ODAD2: variants seen among roughly 807,000 people sequenced by gnomAD.
ODAD2 encodes the protein outer dynein arm docking complex subunit 2.
A neutral mutation model predicts 106.8 loss-of-function variants in ODAD2; 89 were observed. The ratio of observed to expected loss-of-function variants is 0.83; its 90% CI spans 0.70 to 0.99. The LOEUF (loss-of-function observed/expected upper bound fraction) is 0.99, where lower values mean the gene tolerates loss of function less well. Among genes scored for constraint, ODAD2 ranks in the 50% least tolerant of loss-of-function variants. The probability of loss-of-function intolerance (pLI) is 0.00; values close to 1 mark genes in which losing one functional copy is unlikely to be tolerated. For missense variants in ODAD2, 1,168 were observed against 1,238.5 expected (o/e 0.94, Z 0.85); for synonymous variants, 404 against 436.2 (o/e 0.93, Z 0.92).
intron 19 of ODAD2, among the ~76,000 whole-genome samples, chr10:27,858,864 T>C (rs907375697): frequency 6.2e-5 from 9 of 145,318 alleles, no homozygotes; most frequent in Non-Finnish European, 1.2e-4. Flanking sequence ...AGTGCAGTGG[T>C]GTGATATCAG....
At chr10:27,850,264 G>A (rs556823639) in intron 19 of ODAD2, among the ~76,000 whole-genome samples, 1 of 152,078 alleles carries the variant, frequency 6.6e-6, no homozygotes, top group Admixed American at 6.6e-5. Context: ...GGCCAACATG[G>A]TGAAACCCCC....
chr10:27,863,672 T>G (rs1840235052), intron 17 of ODAD2, among the ~76,000 whole-genome samples: 1 of 151,944 alleles, frequency 6.6e-6, no homozygotes, highest in Non-Finnish European at 1.5e-5. Flanking sequence ...AGACTACAAA[T>G]CCATACAATG....
intron 16 of ODAD2, among the ~76,000 whole-genome samples, chr10:27,912,910 C>T (rs1220974133): frequency 3.9e-5 from 6 of 152,062 alleles, no homozygotes; most frequent in Non-Finnish European, 5.9e-5. Flanking sequence ...AAGGTTTTTA[C>T]GTTTCTACCT....
At chr10:27,918,082 C>T (rs1414418545) in intron 16 of ODAD2, among the ~76,000 whole-genome samples, 2 of 151,762 alleles carry the variant, frequency 1.3e-5, no homozygotes, top group Non-Finnish European at 2.9e-5. Flanking sequence ...GATAATTCTG[C>T]TAAGTGAATT....
intron 19 of ODAD2, chr10:27,853,382 A>G (rs1029069658): frequency 1.0e-4 from 29 of 279,258 alleles, no homozygotes; most frequent in African/African-American, 4.4e-4. Context: ...AAATAAATAA[A>G]TAAATAAATA....
intron 17 of ODAD2, among the ~76,000 whole-genome samples, chr10:27,881,192 A>G (rs1841682775): frequency 6.6e-6 from 1 of 152,210 alleles, no homozygotes; most frequent in Non-Finnish European, 1.5e-5. Context: ...TTATTTTTAG[A>G]AAGTATGTGT....
At chr10:27,816,513 G>T (rs927313210) in intron 19 of ODAD2, among the ~76,000 whole-genome samples, 1 of 152,068 alleles carries the variant, frequency 6.6e-6, no homozygotes, top group Non-Finnish European at 1.5e-5. Context: ...GGGCTGGAAG[G>T]GAAGTGAAAA....
At position 27,995,015 on chromosome 10, in the gene ODAD2, T is replaced by C. The variant is rs1425535243; in HGVS notation, c.128A>G (p.Tyr43Cys). The change falls in exon 2 of 20, where the codon TAT becomes TGT. Residue 43 changes from tyrosine to cysteine, a missense_variant. Transcript: ENST00000305242. ...EIIVFVESFI[Y>C]KHPQEAKFVF... ...AAATTTTGCCTCTTGAGGATGTTTATAGATAAAACTCTCCACAAACACAAT... is the reference window on the plus strand; with the variant it reads ...AAATTTTGCCTCTTGAGGATGTTTACAGATAAAACTCTCCACAAACACAAT... 3 of 1,614,120 alleles carry C rather than the reference T, an allele frequency of 1.9e-6. No individual in the cohort carries two copies. Among genetic ancestry groups the C allele is most frequent in the Non-Finnish European group, 2.5e-6 (3 of 1,180,058 alleles).
At chr10:27,903,170 A>G (rs919752762) in intron 17 of ODAD2, among the ~76,000 whole-genome samples, 1 of 152,224 alleles carries the variant, frequency 6.6e-6, no homozygotes, top group Non-Finnish European at 1.5e-5. Flanking sequence ...AACGTAATCC[A>G]TCACATAAAC....
At chr10:27,908,900 A>C (rs564283865) in intron 16 of ODAD2, among the ~76,000 whole-genome samples, 52 of 152,348 alleles carry the variant, frequency 3.4e-4, no homozygotes, top group Admixed American at 3.1e-3. Context: ...TGTCTTAAAA[A>C]GGACTTCTAA....
chr10:27,917,219 A>G (rs139726879), intron 16 of ODAD2, among the ~76,000 whole-genome samples: 146 of 152,274 alleles, frequency 9.6e-4, no homozygotes, highest in African/African-American at 3.4e-3. Context: ...GAAATCAATA[A>G]CAACATGGGA....
intron 19 of ODAD2, among the ~76,000 whole-genome samples, chr10:27,845,564 C>T (rs1212010547): frequency 6.6e-6 from 1 of 152,188 alleles, no homozygotes; most frequent in Admixed American, 6.5e-5. Context: ...CAAATTCACA[C>T]ATAGCAATAT....
chr10:27,885,750 A>AT (rs2133634974), intron 17 of ODAD2, among the ~76,000 whole-genome samples: 1 of 67,974 alleles, frequency 1.5e-5, no homozygotes, highest in African/African-American at 6.3e-5. Context: ...TGTTATATAT[A>AT]ATATATATTT....
At chr10:27,921,695 T>G (rs77816698) in intron 16 of ODAD2, among the ~76,000 whole-genome samples, 4,343 of 146,978 alleles carry the variant, frequency 0.03, 71 homozygotes, top group Non-Finnish European at 0.047. Flanking sequence ...GAGACAAACC[T>G]AGCAAAATTA....
chr10:27,891,318 T>C (rs200232814), intron 17 of ODAD2, among the ~76,000 whole-genome samples: 99 of 152,270 alleles, frequency 6.5e-4, no homozygotes, highest in African/African-American at 2.3e-3. Flanking sequence ...AATTCCTGAC[T>C]GGCTTCTCAG....
intron 19 of ODAD2, among the ~76,000 whole-genome samples, chr10:27,816,308 A>G (rs1419956031): frequency 6.6e-6 from 1 of 152,224 alleles, no homozygotes; most frequent in Non-Finnish European, 1.5e-5. Context: ...GAAATAAGAC[A>G]GGATCAATCT....
chr10:27,962,574 A>G (rs1848211063), intron 9 of ODAD2, among the ~76,000 whole-genome samples: 1 of 152,262 alleles, frequency 6.6e-6, no homozygotes, highest in South Asian at 2.1e-4. Flanking sequence ...AATCAGGTTC[A>G]GGACCAAAGA....
intron 14 of ODAD2, among the ~76,000 whole-genome samples, chr10:27,937,133 T>C (rs528275976): frequency 6.6e-6 from 1 of 152,110 alleles, no homozygotes. Context: ...AGTTTTGAGA[T>C]AGCCTAGGCA....
At chr10:27,857,313 C>A (rs898836001) in intron 19 of ODAD2, among the ~76,000 whole-genome samples, 2 of 152,190 alleles carry the variant, frequency 1.3e-5, no homozygotes, top group African/African-American at 4.8e-5. Flanking sequence ...TGTACTAATA[C>A]ATAATACATA....
Sources: gnomAD v4.1 joint callset for allele counts (sites outside exome capture counted in the v4.1 genomes callset) on GRCh38, gnomAD v4.1.1 for gene constraint, MANE v1.5 for transcripts, NCBI Gene and HGNC (gene_info 2026-07-23, HGNC 2026-07-21) for gene names.